SHB: variants seen among roughly 807,000 people sequenced by gnomAD.
SHB encodes SH2 domain containing adaptor protein B.
Under a neutral mutation model 52.3 loss-of-function variants are expected in SHB, and 20 were observed. The observed-to-expected ratio is 0.38, with a 90% CI of 0.27 to 0.56. The LOEUF (loss-of-function observed/expected upper bound fraction) is 0.56. Among genes scored for constraint, SHB ranks in the 20% least tolerant of loss-of-function variants. SHB has a pLI of 0.71. For missense variants in SHB, 825 were observed against 723.3 expected, an observed-to-expected ratio of 1.14 and a Z score of -1.61; for synonymous variants, 397 against 316.5, an observed-to-expected ratio of 1.25 and a Z score of -2.70.
At chr9:38,036,231 C>T (rs1340080958) in intron 1 of SHB, among the ~76,000 whole-genome samples, 3 of 152,164 alleles carry the variant, frequency 2.0e-5, no homozygotes, top group African/African-American at 4.8e-5. Context: ...CCCACTCTAA[C>T]GCATGGGGCA....
intron 2 of SHB, among the ~76,000 whole-genome samples, chr9:37,994,307 C>T (rs1256606256): frequency 6.6e-6 from 1 of 152,220 alleles, no homozygotes; most frequent in Non-Finnish European, 1.5e-5. Context: ...GAAAGAGTAA[C>T]CAATGAAGAG....
At chr9:37,968,838 T>C (rs1820561413) in intron 3 of SHB, among the ~76,000 whole-genome samples, 1 of 152,198 alleles carries the variant, frequency 6.6e-6, no homozygotes, top group African/African-American at 2.4e-5. Flanking sequence ...TCTCCAGCTG[T>C]TCCCTTCTCC....
chr9:37,983,168 C>T (rs1370978755), intron 2 of SHB, among the ~76,000 whole-genome samples: 1 of 152,228 alleles, frequency 6.6e-6, no homozygotes, highest in Non-Finnish European at 1.5e-5. Context: ...TGGGAGCAGA[C>T]TTGATACCAC....
intron 1 of SHB, among the ~76,000 whole-genome samples, chr9:38,017,790 G>A (rs1226959299): frequency 1.3e-5 from 2 of 152,248 alleles, no homozygotes; most frequent in Non-Finnish European, 2.9e-5. Context: ...GACTCACTGA[G>A]CTCAAATGAC....
At chr9:37,930,571 G>A (rs1485247499) in intron 5 of SHB, among the ~76,000 whole-genome samples, 1 of 152,164 alleles carries the variant, frequency 6.6e-6, no homozygotes, top group Non-Finnish European at 1.5e-5. Context: ...ACCCTGGTGG[G>A]GGCCTCCTCA....
intron 2 of SHB, among the ~76,000 whole-genome samples, chr9:38,002,160 G>A (rs1488689652): frequency 3.9e-5 from 6 of 152,136 alleles, no homozygotes; most frequent in African/African-American, 1.2e-4. Flanking sequence ...CTGCCTCCAG[G>A]GTTGTTCTGA....
chr9:37,935,771 G>A (rs564802011), intron 5 of SHB, among the ~76,000 whole-genome samples: 2 of 152,012 alleles, frequency 1.3e-5, no homozygotes, highest in South Asian at 2.1e-4. Flanking sequence ...TCTTAGCCAC[G>A]ATACTCTATG....
intron 3 of SHB, among the ~76,000 whole-genome samples, chr9:37,962,136 G>A (rs561994904): frequency 1.2e-4 from 18 of 152,324 alleles, no homozygotes; most frequent in African/African-American, 4.1e-4. Context: ...TACCTGTACC[G>A]TGAAGGTAAC....
chr9:38,055,896 G>T (rs1007283101), intron 1 of SHB, among the ~76,000 whole-genome samples: 1 of 151,950 alleles, frequency 6.6e-6, no homozygotes, highest in East Asian at 1.9e-4. Flanking sequence ...CTCCACCAGA[G>T]GCAAGACAAG....
At chr9:37,962,133 A>C (rs1832698486) in intron 3 of SHB, among the ~76,000 whole-genome samples, 1 of 152,226 alleles carries the variant, frequency 6.6e-6, no homozygotes, top group Non-Finnish European at 1.5e-5. Flanking sequence ...CAATACCTGT[A>C]CCGTGAAGGT....
intron 1 of SHB, among the ~76,000 whole-genome samples, chr9:38,024,953 G>A (rs1821322689): frequency 6.6e-6 from 1 of 152,184 alleles, no homozygotes; most frequent in Admixed American, 6.5e-5. Context: ...ACCATGCATA[G>A]TTTGAAAACC....
chr9:38,058,500 C>T (rs1300727329), intron 1 of SHB, among the ~76,000 whole-genome samples: 1 of 152,232 alleles, frequency 6.6e-6, no homozygotes, highest in Non-Finnish European at 1.5e-5. Flanking sequence ...TGTCAAAGCC[C>T]TGCTTTCAGT....
chr9:38,039,023 G>A (rs1220212974), intron 1 of SHB, among the ~76,000 whole-genome samples: 2 of 152,218 alleles, frequency 1.3e-5, no homozygotes, highest in Non-Finnish European at 2.9e-5. Flanking sequence ...AACTCCTGAC[G>A]CTTATCGCTT....
intron 5 of SHB, among the ~76,000 whole-genome samples, chr9:37,947,306 A>T (rs1364001484): frequency 6.6e-6 from 1 of 152,174 alleles, no homozygotes; most frequent in East Asian, 1.9e-4. Context: ...TTATTCCCCT[A>T]GTGATGACAG....
rs937113790 is a variant in SHB, at chr9:38,068,050, G to A, written c.596C>T (p.Pro199Leu). Residue 199 changes from proline to leucine, a missense_variant, in exon 1 of 6, where the codon CCC (proline) becomes CTC (leucine). By Grantham distance (98) the Pro-to-Leu change is moderately conservative. Coordinates refer to ENST00000377707, the MANE Select transcript of SHB (RefSeq NM_003028.3). ...GCCGCCCGCGCAGGCGCCCCCCAGG[G>A]GGTCCCCGGCCCCACCGCCCGCGGC... ...ESAAGGGAGD[P>L]LGGACAGGRT... 24 of 1,501,920 alleles carry A rather than the reference G, an allele frequency of 1.6e-5. No homozygotes were observed. The highest frequency in any genetic ancestry group is 2.9e-5 in the African/African-American group (2 of 69,356). 93.0% of individuals were successfully genotyped at this position (1,501,920 alleles called of 1,614,324 possible).
At chr9:38,008,709 T>C (rs1261569379) in intron 2 of SHB, among the ~76,000 whole-genome samples, 1 of 152,044 alleles carries the variant, frequency 6.6e-6, no homozygotes, top group Admixed American at 6.6e-5. Context: ...GACAGTTCCA[T>C]CCTGCCATGA....
intron 2 of SHB, among the ~76,000 whole-genome samples, chr9:38,010,941 C>T (rs538471429): frequency 2.6e-5 from 4 of 152,368 alleles, no homozygotes; most frequent in African/African-American, 9.6e-5. Flanking sequence ...ACAGGAAGGA[C>T]AAACAGGCCC....
At chr9:38,037,951 A>G (rs1046779654) in intron 1 of SHB, among the ~76,000 whole-genome samples, 2 of 152,110 alleles carry the variant, frequency 1.3e-5, no homozygotes, top group South Asian at 2.1e-4. Context: ...CTCTAACAAG[A>G]TTTTTTTTAA....
intron 2 of SHB, among the ~76,000 whole-genome samples, chr9:37,989,097 T>TCA (rs1564095661): frequency 3.3e-5 from 5 of 151,484 alleles, no homozygotes; most frequent in East Asian, 1.9e-4. Context: ...ACACTCTCTC[T>TCA]CACACACACA....
Sources: gnomAD v4.1 joint callset for allele counts (sites outside exome capture counted in the v4.1 genomes callset) on GRCh38, gnomAD v4.1.1 for gene constraint, MANE v1.5 for transcripts, NCBI Gene and HGNC (gene_info 2026-07-23, HGNC 2026-07-21) for gene names.